Variants in TVP23A observed in about 807,000 individuals in gnomAD.
TVP23A encodes the protein trans-golgi network vesicle protein 23 homolog A.
A neutral mutation model predicts 31.7 loss-of-function variants in TVP23A; 21 were observed. That is an observed-to-expected ratio of 0.66 (90% CI 0.47 to 0.95). TVP23A has a LOEUF of 0.95. Ranked by LOEUF, TVP23A falls within the 40% of genes least tolerant of loss-of-function variation. The pLI is 0.00. For synonymous variants in TVP23A, 104 were observed against 96.0 expected (o/e 1.08, Z -0.49); for missense variants, 279 against 255.6 (o/e 1.09, Z -0.62).
In TVP23A at chr16:10,768,062, A is replaced by G. The variant is rs1567271055; in HGVS notation, c.*1040T>C. The G allele has an allele frequency of 1.2e-6, 2 of 1,601,588 alleles. No individual in the cohort carries two copies. The highest frequency in any genetic ancestry group is 1.7e-6 in the Non-Finnish European group (2 of 1,169,142). ...GTATTTCCATGAGTACTAAATGCAG[A>G]TGCCTGTGGGGCAGGAAGCAACATA... On this transcript the variant is annotated 3_prime_UTR_variant, in exon 8 of 8. Transcript: ENST00000299866. The surrounding 1 kb of genome is among the most constrained non-coding windows in gnomAD (Gnocchi z 4.3).
At chr16:10,761,694 G>A (rs1028041909), downstream of TVP23A, 1 of 1,149,642 alleles carries the variant, frequency 8.7e-7, no homozygotes, top group Non-Finnish European at 1.3e-6. Flanking sequence ...TCTTTAAAAT[G>A]TGGTCCATCC....
At chr16:10,787,478 G>T (rs571587146) in intron 2 of TVP23A, among the ~76,000 whole-genome samples, 2 of 148,992 alleles carry the variant, frequency 1.3e-5, no homozygotes, top group South Asian at 2.2e-4. Flanking sequence ...ACAGTAAGGG[G>T]CAGGCAACAT....
At chr16:10,782,564 G>A (rs765879089) in intron 2 of TVP23A, among the ~76,000 whole-genome samples, 92 of 152,112 alleles carry the variant, frequency 6.0e-4, no homozygotes, top group Non-Finnish European at 1.1e-3. Context: ...GTGCAGTGGT[G>A]TGATCAAGGC....
intron 2 of TVP23A, among the ~76,000 whole-genome samples, chr16:10,807,268 G>A (rs1251930453): frequency 6.6e-6 from 1 of 152,104 alleles, no homozygotes; most frequent in East Asian, 1.9e-4. Flanking sequence ...ATGTGCTATT[G>A]TTGATTTCAG....
chr16:10,786,435 CA>C lies in TVP23A; in HGVS notation c.90-11340del, dbSNP rs369759815. The stretch of plus-strand genomic sequence containing the variant: ...GCCTGGGGACAGAGGGAGAACTTGT[CA>C]AAAAAAAAAATACCCTTTACTTTGA... On this transcript the variant is annotated intron_variant, in intron 2 of 7. Coordinates refer to ENST00000299866, the MANE Select transcript of TVP23A (RefSeq NM_001079512.4). Among the ~76,000 whole-genome samples, 970 of 144,424 alleles carry C rather than the reference CA, an allele frequency of 6.7e-3. 5 individuals carry two copies. The highest frequency in any genetic ancestry group is 0.022 in the African/African-American group (884 of 39,904). The allele number at this position is 144,424 out of a possible 152,430, so 94.7% of individuals were successfully genotyped here.
chr16:10,768,375 G>C lies in TVP23A; in HGVS notation c.*727C>G, dbSNP rs756309240. The C allele has an allele frequency of 1.3e-4, 24 of 182,554 alleles. No homozygotes were observed. The highest frequency in any genetic ancestry group is 2.3e-4 in the South Asian group (2 of 8,594). The allele number at this position is 182,554 out of a possible 1,614,324, so 11.3% of individuals were successfully genotyped here. A position where few individuals can be genotyped will look rare whatever the true frequency, so the allele number is the denominator to read the frequency against. ...CCCAGCACTTTGGGTGAAGGAGGCA[G>C]GCAGATCACTTGAGGCTGGTCAGGA... On this transcript the variant is annotated 3_prime_UTR_variant, in exon 8 of 8. Transcript: ENST00000299866. This position sits in a 1 kb window ranked among gnomAD's most constrained non-coding sequence, Gnocchi z 4.3.
At position 10,813,947 on chromosome 16, in the gene TVP23A, C is replaced by T. The variant is rs770575263; in HGVS notation, c.89+4156G>A. 7.0e-4 allele frequency among the ~76,000 whole-genome samples: 93 copies of T among 132,768 alleles called. 1 individual carries two copies. Among genetic ancestry groups the T allele is most frequent in the Non-Finnish European group, 1.1e-3 (69 of 65,262 alleles). The allele number at this position is 132,768 out of a possible 152,430, so 87.1% of individuals were successfully genotyped here. A position where few individuals can be genotyped will look rare whatever the true frequency, so the allele number is the denominator to read the frequency against. On this transcript the variant is annotated intron_variant, in intron 2 of 7. Transcript: ENST00000299866. ...CCGGGAGGCAGAGGTTGCAGTGAGC[C>T]GAGATCGCACCACTGCACTCCAGCC...
At chr16:10,760,223 C>T (rs560057703), downstream of TVP23A, among the ~76,000 whole-genome samples, 1 of 152,248 alleles carries the variant, frequency 6.6e-6, no homozygotes, top group Admixed American at 6.5e-5. Context: ...GTAGGCGTTG[C>T]GGACCCCACG....
intron 2 of TVP23A, among the ~76,000 whole-genome samples, chr16:10,785,826 G>C (rs147017866): frequency 0.024 from 3,613 of 152,268 alleles, 166 homozygotes; most frequent in African/African-American, 0.082. Flanking sequence ...TGCAGCCTCT[G>C]ATTTGCTCTG....
chr16:10,759,346 A>T (rs1291101540), downstream of TVP23A, among the ~76,000 whole-genome samples: 1 of 152,200 alleles, frequency 6.6e-6, no homozygotes, highest in Non-Finnish European at 1.5e-5. This position sits in a 1 kb window ranked among gnomAD's most constrained non-coding sequence, Gnocchi z 4.7. Flanking sequence ...TCCTGCAGAG[A>T]GGGGACATGG....
chr16:10,780,074 T>G (rs2032326799), intron 2 of TVP23A, among the ~76,000 whole-genome samples: 1 of 150,772 alleles, frequency 6.6e-6, no homozygotes, highest in African/African-American at 2.4e-5. Flanking sequence ...GGCGACAGAG[T>G]GAGACTCCAT....
chr16:10,816,962 C>CGT (rs1375004239), intron 2 of TVP23A, among the ~76,000 whole-genome samples: 12 of 145,014 alleles, frequency 8.3e-5, no homozygotes, highest in Admixed American at 2.7e-4. Flanking sequence ...CACACACACA[C>CGT]GTCACCTGAC....
intron 2 of TVP23A, among the ~76,000 whole-genome samples, chr16:10,783,172 C>T (rs922496649): frequency 4.6e-5 from 7 of 152,156 alleles, no homozygotes; most frequent in African/African-American, 1.7e-4. Context: ...TGTAAAAATT[C>T]AGTGAACCAT....
intron 2 of TVP23A, among the ~76,000 whole-genome samples, chr16:10,795,266 T>G (rs1052347394): frequency 6.6e-6 from 1 of 151,024 alleles, no homozygotes; most frequent in African/African-American, 2.5e-5. Context: ...TTTTTTTTTT[T>G]TAAAGACAGA....
chr16:10,776,146 G>A (rs997284395), intron 2 of TVP23A, among the ~76,000 whole-genome samples: 5 of 151,496 alleles, frequency 3.3e-5, no homozygotes, highest in Non-Finnish European at 5.9e-5. Context: ...AGGCCGAGGC[G>A]GGCGGATCAC....
chr16:10,782,971 C>A (rs2032513081), intron 2 of TVP23A, among the ~76,000 whole-genome samples: 2 of 152,092 alleles, frequency 1.3e-5, no homozygotes, highest in African/African-American at 4.8e-5. Flanking sequence ...ACTGCCCCTA[C>A]CTGCTCCCCA....
rs2031762640 is a variant in TVP23A, at chr16:10,773,318, A to C, written c.448T>G (p.Trp150Gly). ...AAGTCAAGATCTGGCCTTACCAGCCACTTTAGCTTCAAGGAAAATAAGGTG... is the reference window on the plus strand; with the variant it reads ...AAGTCAAGATCTGGCCTTACCAGCCCCTTTAGCTTCAAGGAAAATAAGGTG... ...FSTLFSLKLK[W>G]LALVVAGISL... is the part of the protein sequence containing the mutation. Residue 150 changes from tryptophan (W) to glycine (G), a missense_variant, in exon 5 of 8, where the codon TGG becomes GGG. Trp to Gly is a radical substitution (Grantham distance 184). Transcript: ENST00000299866. 6.2e-7 allele frequency: 1 copy of C among 1,604,720 alleles called. No individual in the cohort carries two copies. The highest frequency in any genetic ancestry group is 1.3e-5 in the African/African-American group (1 of 74,472).
At chr16:10,800,959 G>A (rs966271733) in intron 2 of TVP23A, among the ~76,000 whole-genome samples, 2 of 152,106 alleles carry the variant, frequency 1.3e-5, no homozygotes, top group East Asian at 1.9e-4. Context: ...CCACTGTACT[G>A]CAGCCTGGGC....
chr16:10,792,966 T>C (rs11866645), intron 2 of TVP23A, among the ~76,000 whole-genome samples: 14,768 of 152,206 alleles, frequency 0.097, 1,399 homozygotes, highest in East Asian at 0.46. Flanking sequence ...AGTTTTTTCC[T>C]CTTGTTTCTG....
Sources: gnomAD v4.1 joint callset for allele counts (sites outside exome capture counted in the v4.1 genomes callset) on GRCh38, gnomAD v4.1.1 for gene constraint, Gnocchi (gnomAD v3.1) non-coding constraint, MANE v1.5 for transcripts, NCBI Gene and HGNC (gene_info 2026-07-23, HGNC 2026-07-21) for gene names.